ATP13A4: variants seen among roughly 807,000 people sequenced by gnomAD.
The protein encoded by ATP13A4 is probable cation-transporting ATPase 13A4.
Under a neutral mutation model 142.5 loss-of-function variants are expected in ATP13A4, and 114 were observed. That is an observed-to-expected ratio of 0.80 (90% CI 0.69 to 0.93). The LOEUF (loss-of-function observed/expected upper bound fraction) is 0.93, where lower values mean the gene tolerates loss of function less well. Ranked by LOEUF, ATP13A4 falls within the 40% of genes least tolerant of loss-of-function variation. The pLI is 0.00. For synonymous variants in ATP13A4, 488 were observed against 514.8 expected (o/e 0.95, Z 0.70); for missense variants, 1,392 against 1,454.0 (o/e 0.96, Z 0.69).
chr3:193,402,160 G>T lies in ATP13A4; in HGVS notation c.*492C>A, dbSNP rs191117692. Reference sequence around the variant, plus strand: ...GGTAAGGCCAGAAACAGAAGAAAAAGCCTCAAATCTGAAAAGTACTACAGA... The same window carrying T: ...GGTAAGGCCAGAAACAGAAGAAAAATCCTCAAATCTGAAAAGTACTACAGA... On this transcript the variant is annotated 3_prime_UTR_variant, in exon 30 of 30. Coordinates refer to ENST00000342695, the MANE Select transcript of ATP13A4 (RefSeq NM_032279.4). 2 of 157,942 alleles carry T rather than the reference G, an allele frequency of 1.3e-5. No homozygotes were observed. The highest frequency in any genetic ancestry group is 2.4e-5 in the African/African-American group (1 of 41,582). 9.8% of individuals were successfully genotyped at this position (157,942 alleles called of 1,614,324 possible). A position where few individuals can be genotyped will look rare whatever the true frequency, so the allele number is the denominator to read the frequency against.
chr3:193,536,146 C>A (rs1428221830), intron 1 of ATP13A4, among the ~76,000 whole-genome samples: 1 of 151,924 alleles, frequency 6.6e-6, no homozygotes, highest in Non-Finnish European at 1.5e-5. Context: ...ATAAAGCTAG[C>A]ATTACCCTGA....
intron 12 of ATP13A4, among the ~76,000 whole-genome samples, chr3:193,463,715 C>G (rs1477915374): frequency 6.6e-6 from 1 of 152,132 alleles, no homozygotes; most frequent in Non-Finnish European, 1.5e-5. Flanking sequence ...TCACAATTAT[C>G]TCTCCCACTC....
At chr3:193,524,822 G>A (rs1459391361) in intron 1 of ATP13A4, among the ~76,000 whole-genome samples, 2 of 152,116 alleles carry the variant, frequency 1.3e-5, no homozygotes, top group Non-Finnish European at 2.9e-5. Flanking sequence ...TAGACTTCAG[G>A]CTGATTAATA....
At chr3:193,431,745 C>CATATATATGTTTCCCATAT (rs552296189) in intron 25 of ATP13A4, among the ~76,000 whole-genome samples, 3 of 150,524 alleles carry the variant, frequency 2.0e-5, no homozygotes, top group South Asian at 2.1e-4. Context: ...TATATACACA[C>CATATATATGTTTCCCATAT]ATATATATGT....
At position 193,421,434 on chromosome 3, in the gene ATP13A4, G is replaced by A. The variant is rs751253897; in HGVS notation, c.2843-6684C>T. Reference sequence around the variant, plus strand: ...GCTTGAGAGTTTTTCAAGTAGAAATGGAAGGACACTACAAATATAAAAACA... The same window carrying A: ...GCTTGAGAGTTTTTCAAGTAGAAATAGAAGGACACTACAAATATAAAAACA... On this transcript the variant is annotated intron_variant, in intron 25 of 29. Coordinates refer to ENST00000342695, the MANE Select transcript of ATP13A4 (RefSeq NM_032279.4). Among the ~76,000 whole-genome samples, 46 of 149,456 alleles carry A rather than the reference G, an allele frequency of 3.1e-4. 1 individual carries two copies. Among genetic ancestry groups the A allele is most frequent in the Non-Finnish European group, 5.3e-4 (36 of 67,702 alleles).
chr3:193,572,314 T>C (rs1724284588), intron 2 of ATP13A4, among the ~76,000 whole-genome samples: 1 of 152,206 alleles, frequency 6.6e-6, no homozygotes, highest in African/African-American at 2.4e-5. Flanking sequence ...TCATAATTTT[T>C]CTGTAACTCT....
intron 8 of ATP13A4, among the ~76,000 whole-genome samples, chr3:193,479,014 A>T (rs907791243): frequency 6.6e-6 from 1 of 152,206 alleles, no homozygotes; most frequent in African/African-American, 2.4e-5. Context: ...TTGAAAACAA[A>T]ATCACATGAT....
chr3:193,415,789 A>G (rs1715029087), intron 25 of ATP13A4, among the ~76,000 whole-genome samples: 1 of 152,198 alleles, frequency 6.6e-6, no homozygotes, highest in Admixed American at 6.5e-5. Context: ...ATAACCATCT[A>G]AAGCCTGGAA....
chr3:193,507,282 C>T (rs920784595), intron 2 of ATP13A4, among the ~76,000 whole-genome samples: 1 of 152,034 alleles, frequency 6.6e-6, no homozygotes, highest in Non-Finnish European at 1.5e-5. Context: ...TGCTGCACTG[C>T]CTTTATAGAC....
At chr3:193,588,423 T>C (rs1386042411) in intron 1 of ATP13A4, among the ~76,000 whole-genome samples, 2 of 152,240 alleles carry the variant, frequency 1.3e-5, no homozygotes, top group Non-Finnish European at 2.9e-5. Context: ...TTACTAATAA[T>C]GTCAATTGAC....
chr3:193,496,826 AT>A (rs1577023390), intron 3 of ATP13A4, among the ~76,000 whole-genome samples: 2 of 150,904 alleles, frequency 1.3e-5, no homozygotes, highest in African/African-American at 2.4e-5. Context: ...AAATAAATAA[AT>A]AAATAAATAA....
At chr3:193,495,320 C>G (rs1227731294) in intron 3 of ATP13A4, among the ~76,000 whole-genome samples, 1 of 152,012 alleles carries the variant, frequency 6.6e-6, no homozygotes, top group African/African-American at 2.4e-5. Context: ...TGTCAATATT[C>G]CTGACAAACC....
intron 13 of ATP13A4, among the ~76,000 whole-genome samples, chr3:193,459,735 G>A (rs569252585): frequency 3.9e-5 from 6 of 152,256 alleles, no homozygotes; most frequent in South Asian, 4.1e-4. Context: ...CACTGTGCCC[G>A]GCTAAAAACA....
At chr3:193,567,595 T>C (rs1053771537) in intron 2 of ATP13A4, among the ~76,000 whole-genome samples, 2 of 152,060 alleles carry the variant, frequency 1.3e-5, no homozygotes, top group Non-Finnish European at 2.9e-5. Context: ...TTACAGAAAA[T>C]ATGCAAATAA....
At chr3:193,474,769 G>A (rs1718866308) in intron 8 of ATP13A4, among the ~76,000 whole-genome samples, 1 of 151,800 alleles carries the variant, frequency 6.6e-6, no homozygotes, top group Non-Finnish European at 1.5e-5. Context: ...GAAAGAGAAA[G>A]AAAGAAAGAA....
intron 16 of ATP13A4, among the ~76,000 whole-genome samples, chr3:193,455,857 T>TA (rs1227510853): frequency 6.6e-6 from 1 of 152,096 alleles, no homozygotes; most frequent in Admixed American, 6.6e-5. Flanking sequence ...TAGGCAGCCA[T>TA]AAAAAAGAAT....
At chr3:193,444,813 T>C (rs761166566) in intron 18 of ATP13A4, among the ~76,000 whole-genome samples, 2 of 152,182 alleles carry the variant, frequency 1.3e-5, no homozygotes, top group Non-Finnish European at 1.5e-5. Context: ...TACCAAACTA[T>C]GTATGAAGAT....
chr3:193,494,930 A>G (rs1376803585), intron 3 of ATP13A4, among the ~76,000 whole-genome samples: 2 of 152,070 alleles, frequency 1.3e-5, no homozygotes, highest in Non-Finnish European at 2.9e-5. Flanking sequence ...TACGAATGAT[A>G]ACAAAGGAAT....
chr3:193,465,209 C>G, intron 11 of ATP13A4, 81 bp from the exon 12 acceptor site: 8 of 1,434,256 alleles, frequency 5.6e-6, no homozygotes, highest in Non-Finnish European at 7.6e-6. Flanking sequence ...TTTTTTGAGG[C>G]GGAGTTTTGC....
Sources: allele counts gnomAD v4.1 joint callset (sites outside exome capture counted in the v4.1 genomes callset), GRCh38; gene constraint gnomAD v4.1.1; transcripts MANE v1.5; gene names NCBI Gene and HGNC (gene_info 2026-07-23, HGNC 2026-07-21).